Variants in NTMT1 observed in about 807,000 individuals in gnomAD.
NTMT1 encodes N-terminal Xaa-Pro-Lys N-methyltransferase 1.
In NTMT1, 8 loss-of-function variants were observed where a neutral mutation model predicts 17.5. That is an observed-to-expected ratio of 0.46 (90% CI 0.27 to 0.82). NTMT1 has a LOEUF of 0.82. NTMT1 is among the 40% of genes least tolerant of loss of function. NTMT1 has a pLI of 0.15. For synonymous variants in NTMT1, 128 were observed against 126.8 expected, an observed-to-expected ratio of 1.01 and a Z score of -0.06; for missense variants, 221 against 303.5, an observed-to-expected ratio of 0.73 and a Z score of 2.02.
At chr9:129,622,889 C>T (rs182538072), upstream of NTMT1, among the ~76,000 whole-genome samples, 58 of 152,068 alleles carry the variant, frequency 3.8e-4, 1 homozygote, top group African/African-American at 1.3e-3. Flanking sequence ...ATTAGCCGGG[C>T]GTGACAGCGT....
At chr9:129,628,903 C>T (rs138335493) in intron 1 of NTMT1, among the ~76,000 whole-genome samples, 20 of 152,288 alleles carry the variant, frequency 1.3e-4, no homozygotes, top group African/African-American at 4.3e-4. Context: ...CCAAGTTGGG[C>T]GGTGAGAGGG....
chr9:129,625,906 G>C (rs1023899390), upstream of NTMT1, among the ~76,000 whole-genome samples: 1 of 151,732 alleles, frequency 6.6e-6, no homozygotes, highest in Non-Finnish European at 1.5e-5. Flanking sequence ...CAGGTACTCT[G>C]GAGGCTGACG....
chr9:129,622,375 C>T (rs950625697), upstream of NTMT1, among the ~76,000 whole-genome samples: 3 of 152,090 alleles, frequency 2.0e-5, no homozygotes, highest in Non-Finnish European at 4.4e-5. Flanking sequence ...CACCTATAAT[C>T]CCAGCTACTT....
At position 129,620,406 on chromosome 9, in the gene NTMT1, C is replaced by T. The variant is rs1468106513; in HGVS notation, c.-55+11228C>T. On this transcript the variant is annotated intron_variant, in intron 1 of 3. Transcript: ENST00000372486. The surrounding 1 kb of genome is among the most constrained non-coding windows in gnomAD (Gnocchi z 5.8). ...CCTTCCGGCCACCACGCGGCGCCGC[C>T]CCCCGGGATCCTCCAGTCCCCGGAG... 2 of 1,237,630 alleles carry T rather than the reference C, an allele frequency of 1.6e-6. No homozygotes were observed. The highest frequency in any genetic ancestry group is 2.0e-6 in the Non-Finnish European group (2 of 991,166). 76.7% of individuals were successfully genotyped at this position (1,237,630 alleles called of 1,614,324 possible).
Position 129,620,105 on chromosome 9 carries a change from T to C in NTMT1, c.-55+10927T>C, listed in dbSNP as rs1830606099. 1 of 1,450,930 alleles carries C rather than the reference T, an allele frequency of 6.9e-7. No homozygotes were observed. Among genetic ancestry groups the C allele is most frequent in the Non-Finnish European group, 9.1e-7 (1 of 1,099,572 alleles). 89.9% of individuals were successfully genotyped at this position (1,450,930 alleles called of 1,614,324 possible). ...CTCCTCGGCGCACTTCTCCTGGAGCTGGTGCAGGAACTCACGGAACCTGCT... is the reference window on the plus strand; with the variant it reads ...CTCCTCGGCGCACTTCTCCTGGAGCCGGTGCAGGAACTCACGGAACCTGCT... On this transcript the variant is annotated intron_variant, in intron 1 of 3. Transcript: ENST00000372486. The surrounding 1 kb of genome is among the most constrained non-coding windows in gnomAD (Gnocchi z 5.8).
At position 129,634,750 on chromosome 9, in the gene NTMT1, C is replaced by T. The variant is rs979084871; in HGVS notation, c.415+444C>T. ...CAGGCCGCTAGCAGCAGTCGGCCAC[C>T]TCCTGAGGCGGGCAGCACAGGCCTG... On this transcript the variant is annotated intron_variant, in intron 3 of 3. Coordinates refer to ENST00000372483, the MANE Select transcript of NTMT1 (RefSeq NM_014064.4). 8 of 221,512 alleles carry T rather than the reference C, an allele frequency of 3.6e-5. No homozygotes were observed. The Admixed American group carries it at 3.7e-4, about 10-fold the overall frequency. 13.7% of individuals were successfully genotyped at this position (221,512 alleles called of 1,614,324 possible). A position where few individuals can be genotyped will look rare whatever the true frequency, so the allele number is the denominator to read the frequency against.
At chr9:129,623,828 C>CTTTTTT (rs11375035), upstream of NTMT1, among the ~76,000 whole-genome samples, 2 of 130,632 alleles carry the variant, frequency 1.5e-5, no homozygotes, top group East Asian at 2.2e-4. Flanking sequence ...CTTTTCTTTT[C>CTTTTTT]TTTTTTTTTT....
chr9:129,618,368 G>C (rs1229037087), intron 1 of NTMT1, among the ~76,000 whole-genome samples: 1 of 152,110 alleles, frequency 6.6e-6, no homozygotes, highest in Non-Finnish European at 1.5e-5. Context: ...AAAAGTTAGA[G>C]TAAGAAATGG....
At chr9:129,627,475 C>G (rs980780103) in intron 1 of NTMT1, among the ~76,000 whole-genome samples, 4 of 152,272 alleles carry the variant, frequency 2.6e-5, no homozygotes, top group Non-Finnish European at 4.4e-5. Context: ...AATATGTGCC[C>G]GGCACTGTGC....
intron 3 of NTMT1, 60 bp downstream of exon 3, chr9:129,634,366 A>AT: frequency 6.5e-7 from 1 of 1,540,972 alleles, no homozygotes; most frequent in Non-Finnish European, 8.8e-7. Context: ...CGCGTTCCCC[A>AT]TAAGGTGTCA....
At chr9:129,615,721 C>T (rs990085421) in intron 1 of NTMT1, 27 of 1,430,722 alleles carry the variant, frequency 1.9e-5, no homozygotes, top group East Asian at 2.5e-5. Flanking sequence ...GCCCCAGACT[C>T]GCTGTGAGAT....
At chr9:129,619,664 A>T in intron 1 of NTMT1, 1 of 1,612,938 alleles carries the variant, frequency 6.2e-7, no homozygotes, top group Non-Finnish European at 8.5e-7. Flanking sequence ...CACATCTGGC[A>T]TGAGTGGCCA....
In NTMT1 at chr9:129,613,252, C is replaced by G. The variant is rs756420695; in HGVS notation, c.-55+4074C>G. On this transcript the variant is annotated intron_variant, in intron 1 of 3. Transcript: ENST00000372486. The surrounding 1 kb of genome is among the most constrained non-coding windows in gnomAD (Gnocchi z 6.2). Reference sequence around the variant, plus strand: ...GTAGCCCTGTGTCTTCTGGGTGGACCTGGGGGAGACAGGACCCCATGAGCT... The same window carrying G: ...GTAGCCCTGTGTCTTCTGGGTGGACGTGGGGGAGACAGGACCCCATGAGCT... The G allele has an allele frequency of 3.7e-5, 59 of 1,601,272 alleles. No individual in the cohort carries two copies. The East Asian group carries it at 1.3e-3, about 36-fold the overall frequency.
chr9:129,615,365 A>T, intron 1 of NTMT1: 1 of 1,093,876 alleles, frequency 9.1e-7, no homozygotes, highest in Non-Finnish European at 1.3e-6. Flanking sequence ...CTGCAGGATC[A>T]CTGATCTCTT....
At chr9:129,627,043 G>C (rs1333730843) in intron 1 of NTMT1, among the ~76,000 whole-genome samples, 2 of 152,242 alleles carry the variant, frequency 1.3e-5, no homozygotes, top group African/African-American at 4.8e-5. Context: ...ACCAGGGCTG[G>C]TATAAGGAGC....
rs904027164 is a variant in NTMT1 at position 129,615,394 on chromosome 9, C to G, written c.-55+6216C>G. ...ATCTCTTGGCCTTTGCAAAGCCAGT[C>G]CCTCACTCTAGGGGCCCGGAGCTAC... On this transcript the variant is annotated intron_variant, in intron 1 of 3. Coordinates refer to the NTMT1 transcript ENST00000372486. 2.1e-5 allele frequency: 29 copies of G among 1,353,744 alleles called. No individual in the cohort carries two copies. The African/African-American group carries it at 3.4e-4, about 16-fold the overall frequency. 83.9% of individuals were successfully genotyped at this position (1,353,744 alleles called of 1,614,324 possible).
intron 1 of NTMT1, among the ~76,000 whole-genome samples, chr9:129,626,991 T>TACAC (rs1398292735): frequency 6.6e-6 from 1 of 152,182 alleles, no homozygotes; most frequent in East Asian, 1.9e-4. Flanking sequence ...TTGTGGTGTG[T>TACAC]AGAATGATTG....
At chr9:129,615,614 C>G (rs1830334877) in intron 1 of NTMT1, 1 of 1,597,190 alleles carries the variant, frequency 6.3e-7, no homozygotes, top group African/African-American at 1.3e-5. Flanking sequence ...TCAGCGCAGC[C>G]TTGAGCCTGG....
chr9:129,634,741 G>C, intron 3 of NTMT1: 1 of 220,774 alleles, frequency 4.5e-6, no homozygotes, highest in Non-Finnish European at 9.0e-6. Context: ...GCTAGCAGCA[G>C]TCGGCCACCT....
Sources: allele counts gnomAD v4.1 joint callset (sites outside exome capture counted in the v4.1 genomes callset), GRCh38; gene constraint gnomAD v4.1.1; non-coding constraint Gnocchi (gnomAD v3.1); transcripts MANE v1.5; gene names NCBI Gene and HGNC (gene_info 2026-07-23, HGNC 2026-07-21).